UAP1: variants seen among roughly 807,000 people sequenced by gnomAD.
UAP1 encodes UDP-N-acetylglucosamine pyrophosphorylase 1.
A neutral mutation model predicts 58.5 loss-of-function variants in UAP1; 25 were observed. The ratio of observed to expected loss-of-function variants is 0.43; its 90% confidence interval spans 0.31 to 0.60. The LOEUF (loss-of-function observed/expected upper bound fraction) is 0.60. Ranked by LOEUF, UAP1 falls within the 20% of genes least tolerant of loss-of-function variation. UAP1 has a pLI of 0.11. For synonymous variants in UAP1, 208 were observed against 213.0 expected (o/e 0.98, Z 0.21); for missense variants, 575 against 630.0 (o/e 0.91, Z 0.93).
intron 4 of UAP1, 103 bp from the exon 5 acceptor site, chr1:162,581,184 G>A (rs796220895): frequency 2.0e-5 from 26 of 1,322,000 alleles, no homozygotes; most frequent in African/African-American, 1.0e-4. Context: ...TTTGTAAAGC[G>A]AATTTTGTTT....
intron 10 of UAP1, 76 bp downstream of exon 10, chr1:162,597,934 A>G (rs751037440): frequency 7.6e-7 from 1 of 1,307,374 alleles, no homozygotes; most frequent in Non-Finnish European, 1.1e-6. Context: ...AGTGGATTTT[A>G]AATGTTCTCA....
At chr1:162,583,501 G>A (rs1486328882) in intron 5 of UAP1, among the ~76,000 whole-genome samples, 1 of 151,802 alleles carries the variant, frequency 6.6e-6, no homozygotes, top group East Asian at 1.9e-4. Flanking sequence ...GTACTGTTAC[G>A]AGCTTCAGAA....
intron 7 of UAP1, among the ~76,000 whole-genome samples, chr1:162,589,265 T>A (rs1571086219): frequency 7.8e-6 from 1 of 127,884 alleles, no homozygotes; most frequent in African/African-American, 3.0e-5. Flanking sequence ...AAATATATAT[T>A]TATTTATAAT....
intron 6 of UAP1, among the ~76,000 whole-genome samples, chr1:162,588,287 G>A (rs180965893): frequency 6.6e-6 from 1 of 152,278 alleles, no homozygotes. Flanking sequence ...AAGATGACTT[G>A]TCTACTTTTT....
intron 5 of UAP1, among the ~76,000 whole-genome samples, chr1:162,587,084 A>T (rs955519237): frequency 6.6e-6 from 1 of 152,194 alleles, no homozygotes; most frequent in African/African-American, 2.4e-5. Context: ...ATCCCAGAGA[A>T]ATTTCATTTT....
At chr1:162,573,480 C>A (rs1045507488) in intron 2 of UAP1, among the ~76,000 whole-genome samples, 3 of 152,122 alleles carry the variant, frequency 2.0e-5, no homozygotes, top group African/African-American at 7.2e-5. Context: ...TATTTTGGTA[C>A]ACCTGATTTT....
chr1:162,588,766 A>T, exon 7 of UAP1: 6 of 1,612,740 alleles, frequency 3.7e-6, no homozygotes, highest in Non-Finnish European at 5.1e-6. Flanking sequence ...AGGACAGTTA[A>T]TTAAGCCAGA....
At chr1:162,582,296 G>A (rs560300640) in intron 5 of UAP1, among the ~76,000 whole-genome samples, 2 of 152,190 alleles carry the variant, frequency 1.3e-5, no homozygotes, top group East Asian at 3.9e-4. Context: ...ACATGTAAAG[G>A]TGGCCAGGAA....
chr1:162,582,907 T>C (rs1210920240), intron 5 of UAP1, among the ~76,000 whole-genome samples: 2 of 152,128 alleles, frequency 1.3e-5, no homozygotes, highest in African/African-American at 2.4e-5. Context: ...CTCTGGACTC[T>C]GAAAATAAGT....
intron 2 of UAP1, among the ~76,000 whole-genome samples, chr1:162,571,288 C>G (rs1027263478): frequency 6.6e-6 from 1 of 151,888 alleles, no homozygotes; most frequent in Non-Finnish European, 1.5e-5. Flanking sequence ...GCCACCACAC[C>G]CAGCCAATTT....
At chr1:162,568,192 T>C (rs1484917022) in intron 2 of UAP1, among the ~76,000 whole-genome samples, 1 of 152,218 alleles carries the variant, frequency 6.6e-6, no homozygotes, top group East Asian at 1.9e-4. Flanking sequence ...TTATTTTGTT[T>C]TCCACTCTTT....
chr1:162,582,657 T>C lies in UAP1; in HGVS notation c.834+1198T>C, dbSNP rs78595626. 1.0e-2 allele frequency among the ~76,000 whole-genome samples: 1,521 copies of C among 152,318 alleles called. 21 individuals are homozygous for C. Among genetic ancestry groups the C allele is most frequent in the African/African-American group, 0.035 (1,443 of 41,566 alleles). On this transcript the variant is annotated intron_variant, in intron 5 of 10. Transcript: ENST00000271469. The stretch of plus-strand genomic sequence containing the variant: ...TTAGAAGAAAATTAGAAGAATTTTA[T>C]AATTGTGATGCAAAAGGAAGACCTT...
Position 162,571,140 on chromosome 1 carries a change from G to GT in UAP1, c.280+4798dup, listed in dbSNP as rs1653839615. 1.7e-5 allele frequency among the ~76,000 whole-genome samples: 2 copies of GT among 115,340 alleles called. 1 individual carries two copies. Among genetic ancestry groups the GT allele is most frequent in the Non-Finnish European group, 3.7e-5 (2 of 53,542 alleles). The allele number at this position is 115,340 out of a possible 152,430, so 75.7% of individuals were successfully genotyped here. ...TTCTGATTTTTTTGTTTGTTTGTTT[G>GT]TTTTTTGAGGCGGAGTCTCACTCCG... On this transcript the variant is annotated intron_variant, in intron 2 of 10. Transcript: ENST00000271469.
chr1:162,599,334 G>A lies in UAP1; in HGVS notation c.1540G>A (p.Val514Ile). Residue 514 changes from valine to isoleucine, a missense_variant, in exon 11 of 11, where the codon GTT (valine) becomes ATT (isoleucine). Val to Ile is a conservative substitution (Grantham distance 29). Coordinates refer to ENST00000271469, the Ensembl canonical transcript of UAP1. ...ACCTCTAATCATCGATGAGAATGGA[G>A]TTCATGAGCTGGTGAAAAATGGTAT... 1 of 1,611,876 alleles carries A rather than the reference G, an allele frequency of 6.2e-7. No individual in the cohort carries two copies. Among genetic ancestry groups the A allele is most frequent in the Non-Finnish European group, 8.5e-7 (1 of 1,179,442 alleles).
chr1:162,565,907 AT>A, intron 1 of UAP1, 104 bp from the exon 2 acceptor site: 4 of 730,238 alleles, frequency 5.5e-6, no homozygotes, highest in Non-Finnish European at 6.5e-6. Flanking sequence ...GCAGAAGTTA[AT>A]TTTTTTAACA....
intron 6 of UAP1, 174 bp downstream of exon 6, chr1:162,587,842 T>A: frequency 1.5e-6 from 1 of 649,548 alleles, no homozygotes; most frequent in Non-Finnish European, 2.5e-6. Flanking sequence ...TAAGATGTAT[T>A]GTAAGGTGGG....
intron 3 of UAP1, 47 bp from the exon 4 acceptor site, chr1:162,579,381 A>G: frequency 7.6e-7 from 1 of 1,320,694 alleles, no homozygotes; most frequent in Non-Finnish European, 9.9e-7. Flanking sequence ...ATTTTGCCCT[A>G]GTCCACCTAG....
intron 2 of UAP1, among the ~76,000 whole-genome samples, chr1:162,575,790 T>G (rs925892429): frequency 2.0e-5 from 3 of 151,666 alleles, no homozygotes; most frequent in African/African-American, 7.3e-5. Flanking sequence ...AACCTCCGCC[T>G]TCTGGGTTCA....
chr1:162,588,600 T>C (rs1420454065), intron 6 of UAP1, 93 bp from the exon 7 acceptor site: 46 of 1,337,748 alleles, frequency 3.4e-5, no homozygotes, highest in Admixed American at 4.7e-5. Context: ...ATCTTAGTAT[T>C]GGTTGTTGAC....
Sources: gnomAD v4.1 joint callset for allele counts (sites outside exome capture counted in the v4.1 genomes callset) on GRCh38, gnomAD v4.1.1 for gene constraint, MANE v1.5 for transcripts, NCBI Gene and HGNC (gene_info 2026-07-23, HGNC 2026-07-21) for gene names.